FSTL5: variants seen among roughly 807,000 people sequenced by gnomAD.
FSTL5 encodes the protein follistatin like 5.
FSTL5 carries 62 observed loss-of-function variants against 89.1 expected under a neutral mutation model. The observed-to-expected ratio is 0.70, with a 90% CI of 0.57 to 0.86. The LOEUF (loss-of-function observed/expected upper bound fraction) is 0.86, where lower values mean the gene tolerates loss of function less well. Among genes scored for constraint, FSTL5 ranks in the 40% least tolerant of loss-of-function variants. FSTL5 has a pLI of 0.00. For missense variants in FSTL5, 1,057 were observed against 1,001.6 expected, an observed-to-expected ratio of 1.06 and a Z score of -0.75; for synonymous variants, 383 against 346.2, an observed-to-expected ratio of 1.11 and a Z score of -1.18.
At chr4:161,688,850 T>C (rs1014425609) in intron 6 of FSTL5, among the ~76,000 whole-genome samples, 1 of 152,216 alleles carries the variant, frequency 6.6e-6, no homozygotes, top group African/African-American at 2.4e-5. Flanking sequence ...TCAATTATAA[T>C]CCTTTTTAAT....
chr4:162,008,439 C>T (rs1320933363), intron 3 of FSTL5, among the ~76,000 whole-genome samples: 1 of 151,756 alleles, frequency 6.6e-6, no homozygotes, highest in Non-Finnish European at 1.5e-5. Flanking sequence ...ATAAGAAATA[C>T]TGCTATTTAA....
chr4:161,669,457 G>T (rs1272612089), intron 6 of FSTL5, among the ~76,000 whole-genome samples: 1 of 152,096 alleles, frequency 6.6e-6, no homozygotes, highest in East Asian at 1.9e-4. Context: ...ATAGATCAAT[G>T]GGGCAGAATA....
At chr4:161,672,230 C>T (rs1358359642) in intron 6 of FSTL5, among the ~76,000 whole-genome samples, 1 of 152,100 alleles carries the variant, frequency 6.6e-6, no homozygotes, top group Non-Finnish European at 1.5e-5. Context: ...CAGGTTTGCT[C>T]CTCTGACCTC....
intron 6 of FSTL5, among the ~76,000 whole-genome samples, chr4:161,704,969 C>T (rs779668053): frequency 3.9e-5 from 6 of 151,932 alleles, no homozygotes; most frequent in Non-Finnish European, 8.8e-5. Context: ...TTTTAAAACC[C>T]TGACATCTGT....
chr4:161,459,070 C>A, intron 14 of FSTL5, 142 bp downstream of exon 14: 1 of 562,232 alleles, frequency 1.8e-6, no homozygotes, highest in Non-Finnish European at 3.1e-6. Context: ...ACTTTTTTGC[C>A]TTTTTCTGTG....
chr4:161,739,151 C>CTTA (rs1177830611), intron 6 of FSTL5, among the ~76,000 whole-genome samples: 1 of 152,092 alleles, frequency 6.6e-6, no homozygotes, highest in African/African-American at 2.4e-5. Context: ...AGAATGTGTC[C>CTTA]TTATTTAGAA....
chr4:161,611,123 C>CAT (rs201910594), intron 7 of FSTL5, among the ~76,000 whole-genome samples: 27,159 of 143,348 alleles, frequency 0.19, 2,721 homozygotes, highest in East Asian at 0.35. Flanking sequence ...AGAAAAGATA[C>CAT]ATATATATAT....
chr4:161,787,420 G>A (rs1489946216), intron 4 of FSTL5, among the ~76,000 whole-genome samples: 1 of 151,988 alleles, frequency 6.6e-6, no homozygotes, highest in East Asian at 1.9e-4. Context: ...AGGTCATTAC[G>A]GTTGAATTAT....
At chr4:161,766,792 T>G (rs898101547) in intron 5 of FSTL5, among the ~76,000 whole-genome samples, 1 of 152,186 alleles carries the variant, frequency 6.6e-6, no homozygotes, top group African/African-American at 2.4e-5. Context: ...TAGGCACTTC[T>G]GGATTATTTA....
At chr4:161,808,941 G>C (rs1487995018) in intron 4 of FSTL5, among the ~76,000 whole-genome samples, 1 of 152,080 alleles carries the variant, frequency 6.6e-6, no homozygotes, top group Non-Finnish European at 1.5e-5. Flanking sequence ...AATCATGACC[G>C]GGTGCGGTTG....
At position 161,721,005 on chromosome 4, in the gene FSTL5, G is replaced by A. The variant is rs113561831; in HGVS notation, c.727+38406C>T. ...ATACTTAAAATTTTTCTGGCCGGGC[G>A]CGGTGGCTCACGCCTGTAATCCCAG... On this transcript the variant is annotated intron_variant, in intron 6 of 15. Transcript: ENST00000306100. Among the ~76,000 whole-genome samples the A allele has an allele frequency of 1.3e-3, 201 of 152,192 alleles. 1 individual carries two copies. Among genetic ancestry groups the A allele is most frequent in the African/African-American group, 4.7e-3 (194 of 41,550 alleles).
chr4:161,955,410 A>C (rs920404477), intron 3 of FSTL5, among the ~76,000 whole-genome samples: 1 of 151,764 alleles, frequency 6.6e-6, no homozygotes, highest in Non-Finnish European at 1.5e-5. Flanking sequence ...ACAAAAAAAA[A>C]TGTTTTAAGT....
intron 6 of FSTL5, among the ~76,000 whole-genome samples, chr4:161,679,293 C>T (rs1224005538): frequency 6.6e-6 from 1 of 151,666 alleles, no homozygotes; most frequent in Admixed American, 6.6e-5. Context: ...AGCTAACATA[C>T]ATTGAGTATC....
At chr4:161,415,121 A>G (rs1731725721) in intron 15 of FSTL5, among the ~76,000 whole-genome samples, 1 of 152,188 alleles carries the variant, frequency 6.6e-6, no homozygotes, top group Non-Finnish European at 1.5e-5. Flanking sequence ...TACAAATATC[A>G]CTCACCAGCT....
intron 3 of FSTL5, among the ~76,000 whole-genome samples, chr4:161,979,297 G>A (rs936942088): frequency 2.0e-5 from 3 of 152,104 alleles, no homozygotes; most frequent in Non-Finnish European, 4.4e-5. Flanking sequence ...ACAATTTGCA[G>A]CCTGGAGTAA....
At chr4:161,594,447 A>C (rs1027016053) in intron 7 of FSTL5, among the ~76,000 whole-genome samples, 10 of 152,122 alleles carry the variant, frequency 6.6e-5, no homozygotes, top group African/African-American at 2.4e-4. Flanking sequence ...TTTCTAGTAT[A>C]ATCAAGATTC....
chr4:161,470,294 A>G (rs77578327), intron 13 of FSTL5, among the ~76,000 whole-genome samples: 143 of 152,110 alleles, frequency 9.4e-4, no homozygotes, highest in African/African-American at 3.1e-3. Context: ...TAAGGTTCCA[A>G]CTTCATTCTT....
chr4:161,579,865 A>C (rs1028671780), intron 8 of FSTL5, among the ~76,000 whole-genome samples: 14 of 152,290 alleles, frequency 9.2e-5, no homozygotes, highest in African/African-American at 3.4e-4. Flanking sequence ...TACATTTTCA[A>C]GGACTTCTTT....
intron 15 of FSTL5, among the ~76,000 whole-genome samples, chr4:161,395,654 T>C (rs1007336671): frequency 6.6e-6 from 1 of 152,150 alleles, no homozygotes; most frequent in African/African-American, 2.4e-5. Flanking sequence ...CCAATAGGTT[T>C]TGAGGAGAAA....
Sources: gnomAD v4.1 joint callset for allele counts (sites outside exome capture counted in the v4.1 genomes callset) on GRCh38, gnomAD v4.1.1 for gene constraint, MANE v1.5 for transcripts, NCBI Gene and HGNC (gene_info 2026-07-23, HGNC 2026-07-21) for gene names.